The following POMT2 variants were observed in gnomAD, a reference collection of about 807,000 sequenced individuals.
POMT2 encodes protein O-mannosyl-transferase 2.
Under a neutral mutation model 100.0 loss-of-function variants are expected in POMT2, and 75 were observed. That is an observed-to-expected ratio of 0.75 (90% CI 0.62 to 0.91). POMT2 has a LOEUF of 0.91. Among genes scored for constraint, POMT2 ranks in the 40% least tolerant of loss-of-function variants. The pLI is 0.00. For synonymous variants in POMT2, 378 were observed against 374.1 expected (o/e 1.01, Z -0.12); for missense variants, 940 against 955.1 (o/e 0.98, Z 0.21).
chr14:77,277,598 C>A, intron 20 of POMT2, 117 bp from the exon 21 acceptor site: 2 of 836,672 alleles, frequency 2.4e-6, no homozygotes, highest in South Asian at 1.4e-5. Flanking sequence ...AAGCCCGGTT[C>A]TCTTTCACGG....
chr14:77,283,313 A>AT (rs900153984), intron 15 of POMT2, among the ~76,000 whole-genome samples: 25 of 152,196 alleles, frequency 1.6e-4, no homozygotes, highest in Admixed American at 6.5e-5. Flanking sequence ...GAGCACTATG[A>AT]TTTTCAGGGG....
At chr14:77,283,667 C>T (rs1236753076) in intron 15 of POMT2, 130 bp downstream of exon 15, 22 of 850,610 alleles carry the variant, frequency 2.6e-5, no homozygotes, top group South Asian at 5.4e-5. Context: ...CACAGAAAAC[C>T]GTAGTAAAGA....
In POMT2 at chr14:77,275,339, CA is replaced by C. The variant is rs927856535; in HGVS notation, c.*2036del. 2.8e-4 allele frequency: 42 copies of C among 152,252 alleles called. No homozygotes were observed. Among genetic ancestry groups the C allele is most frequent in the African/African-American group, 9.9e-4 (41 of 41,460 alleles). The allele number at this position is 152,252 out of a possible 1,614,324, so 9.4% of individuals were successfully genotyped here. A position where few individuals can be genotyped will look rare whatever the true frequency, so the allele number is the denominator to read the frequency against. ...CCCAGGGAAGCGTTCGGCCCCAGTG[CA>C]GCCTAATTGGGAGGGAGGGATGGGT... On this transcript the variant is annotated 3_prime_UTR_variant, in exon 21 of 21. Coordinates refer to ENST00000261534, the MANE Select transcript of POMT2 (RefSeq NM_013382.7).
intron 10 of POMT2, among the ~76,000 whole-genome samples, chr14:77,289,289 G>T (rs553997539): frequency 6.6e-6 from 1 of 152,196 alleles, no homozygotes; most frequent in East Asian, 1.9e-4. Context: ...TACTCGAGAG[G>T]CTGAGGCAGG....
intron 6 of POMT2, 64 bp downstream of exon 6, chr14:77,301,026 C>A: frequency 6.2e-7 from 1 of 1,611,462 alleles, no homozygotes; most frequent in Non-Finnish European, 8.5e-7. Context: ...GAGAAGGCCA[C>A]CAGCTCCTAC....
At chr14:77,299,694 A>C in intron 6 of POMT2, 133 bp from the exon 7 acceptor site, 3 of 700,740 alleles carry the variant, frequency 4.3e-6, no homozygotes, top group East Asian at 3.0e-5. Flanking sequence ...AGAGAGAAGA[A>C]TATGTGGAAA....
intron 5 of POMT2, 130 bp downstream of exon 5, chr14:77,302,705 A>G: frequency 2.7e-6 from 2 of 750,150 alleles, no homozygotes. Flanking sequence ...AAAAACAAAC[A>G]AAAAGTATGC....
chr14:77,279,967 G>A lies in POMT2; in HGVS notation c.1786-39C>T, dbSNP rs438931. ...GGAATGGGCAGATGAGAACGCAGCCGCTCTCCACGGGCAAGTGCTCCAGGG... is the reference window on the plus strand; with the variant it reads ...GGAATGGGCAGATGAGAACGCAGCCACTCTCCACGGGCAAGTGCTCCAGGG... On this transcript the variant is annotated intron_variant, in intron 17 of 20. Transcript: ENST00000261534. The A allele has an allele frequency of 0.14, 222,011 of 1,613,896 alleles. 16,685 individuals carry two copies. Among genetic ancestry groups the A allele is most frequent in the East Asian group, 0.34 (15,203 of 44,846 alleles).
chr14:77,291,208 C>T, intron 10 of POMT2, 106 bp downstream of exon 10: 1 of 1,063,644 alleles, frequency 9.4e-7, no homozygotes, highest in Non-Finnish European at 1.4e-6. Flanking sequence ...GTCAAAGATG[C>T]TCAGCAAAGC....
At chr14:77,301,689 G>A (rs1257450814) in intron 5 of POMT2, among the ~76,000 whole-genome samples, 1 of 152,168 alleles carries the variant, frequency 6.6e-6, no homozygotes, top group African/African-American at 2.4e-5. Flanking sequence ...CAAGTACGAT[G>A]CATATATTAA....
In POMT2 at chr14:77,311,991, G is replaced by T. The variant is rs776157150; in HGVS notation, c.291C>A (p.Ile97=). Residue 97 remains isoleucine (I), a synonymous_variant, in exon 2 of 21, where the codon ATC becomes ATA. Coordinates refer to ENST00000261534, the MANE Select transcript of POMT2 (RefSeq NM_013382.7). Reference sequence around the variant, plus strand: ...GCACATCAAAGAAAAATGTACGGTTGATATAGTAACTTCCCATTTTTCCAA... The same window carrying T: ...GCACATCAAAGAAAAATGTACGGTTTATATAGTAACTTCCCATTTTTCCAA... ...THFGKMGSYY[I]NRTFFFDVHP... 1.9e-6 allele frequency: 3 copies of T among 1,614,058 alleles called. No individual in the cohort carries two copies. The Admixed American group carries it at 5.0e-5, about 27-fold the overall frequency.
Position 77,279,087 on chromosome 14 carries a change from G to T in POMT2, c.1892-218C>A. ...AGTGAGGCCTGGGCACCAATGGCAGGTGCACCAAGCACCAGCAGGAGGCAG... is the reference window on the plus strand; with the variant it reads ...AGTGAGGCCTGGGCACCAATGGCAGTTGCACCAAGCACCAGCAGGAGGCAG... On this transcript the variant is annotated intron_variant, in intron 18 of 20. Transcript: ENST00000261534. The T allele has an allele frequency of 6.1e-6, 4 of 654,212 alleles. No individual in the cohort carries two copies. The South Asian group carries it at 6.9e-5, about 11-fold the overall frequency. 40.5% of individuals were successfully genotyped at this position (654,212 alleles called of 1,614,324 possible). A position where few individuals can be genotyped will look rare whatever the true frequency, so the allele number is the denominator to read the frequency against.
chr14:77,303,337 T>C (rs574627814), intron 4 of POMT2, among the ~76,000 whole-genome samples: 237 of 152,240 alleles, frequency 1.6e-3, no homozygotes, highest in African/African-American at 5.6e-3. Context: ...AAGTCTCTCT[T>C]GGGGGTCGAT....
At chr14:77,312,756 G>A (rs1276693433) in intron 1 of POMT2, 1 of 152,202 alleles carries the variant, frequency 6.6e-6, no homozygotes, top group Non-Finnish European at 1.5e-5. Context: ...GACAACATTT[G>A]CTATTAGAAG....
intron 9 of POMT2, among the ~76,000 whole-genome samples, chr14:77,291,745 A>G (rs1890648520): frequency 6.6e-6 from 1 of 152,210 alleles, no homozygotes; most frequent in Non-Finnish European, 1.5e-5. Flanking sequence ...TTTTCAAAGT[A>G]ATTAAGGCCG....
intron 1 of POMT2, among the ~76,000 whole-genome samples, chr14:77,314,533 G>A (rs797008117): frequency 2.6e-5 from 4 of 152,342 alleles, no homozygotes; most frequent in East Asian, 3.9e-4. Context: ...ATAGGATGAG[G>A]AGAGACATAG....
chr14:77,309,695 A>AT (rs1891368872), intron 2 of POMT2, among the ~76,000 whole-genome samples: 1 of 151,898 alleles, frequency 6.6e-6, no homozygotes, highest in South Asian at 2.1e-4. Flanking sequence ...TTATTTATTT[A>AT]TTTTTGAGAT....
At position 77,280,558 on chromosome 14, in the gene POMT2, C is replaced by T. The variant is rs1480795579; in HGVS notation, c.1654-95G>A. The T allele has an allele frequency of 5.0e-6, 8 of 1,589,410 alleles. No homozygotes were observed. The African/African-American group carries it at 1.1e-4, about 21-fold the overall frequency. ...GGTTTTTCTGATATAGGGCCAAGCG[C>T]CGAGCAGAACCTTCTCTCCTTCCCT... On this transcript the variant is annotated intron_variant, in intron 15 of 20. Coordinates refer to ENST00000261534, the MANE Select transcript of POMT2 (RefSeq NM_013382.7).
intron 1 of POMT2, among the ~76,000 whole-genome samples, chr14:77,315,814 C>A (rs1038063435): frequency 2.6e-5 from 4 of 152,194 alleles, no homozygotes; most frequent in Non-Finnish European, 5.9e-5. Context: ...GAGTTTGAGA[C>A]CAGCCTGGCC....
Sources: allele counts gnomAD v4.1 joint callset (sites outside exome capture counted in the v4.1 genomes callset), GRCh38; gene constraint gnomAD v4.1.1; transcripts MANE v1.5; gene names NCBI Gene and HGNC (gene_info 2026-07-23, HGNC 2026-07-21).